The following AUTS2 variants were observed in gnomAD, a reference collection of about 807,000 sequenced individuals.
AUTS2 encodes the protein activator of transcription and developmental regulator AUTS2, also known as autism susceptibility gene 2 protein.
Under a neutral mutation model 112.4 loss-of-function variants are expected in AUTS2, and 17 were observed. The ratio of observed to expected loss-of-function variants is 0.15; its 90% confidence interval spans 0.10 to 0.23. The LOEUF (loss-of-function observed/expected upper bound fraction) is 0.23. AUTS2 is among the 10% of genes least tolerant of loss of function. The pLI is 1.00. For synonymous variants in AUTS2, 751 were observed against 702.7 expected (o/e 1.07, Z -1.09); for missense variants, 1,510 against 1,701.6 (o/e 0.89, Z 1.98).
At chr7:70,301,075 C>A (rs915900938) in intron 4 of AUTS2, among the ~76,000 whole-genome samples, 1 of 152,126 alleles carries the variant, frequency 6.6e-6, no homozygotes, top group Non-Finnish European at 1.5e-5. Context: ...ATATTTCTTT[C>A]TTAAAATAAA....
intron 1 of AUTS2, among the ~76,000 whole-genome samples, chr7:69,760,456 T>C (rs1788137855): frequency 6.6e-6 from 1 of 152,082 alleles, no homozygotes; most frequent in South Asian, 2.1e-4. Context: ...TACAGATCAC[T>C]TCTTTCTAGA....
intron 1 of AUTS2, among the ~76,000 whole-genome samples, chr7:69,608,009 ACTGCAG>A: frequency 6.6e-6 from 1 of 152,106 alleles, no homozygotes; most frequent in African/African-American, 2.4e-5. Context: ...CTCATGGCTC[ACTGCAG>A]CCCCAACCTT....
chr7:70,434,075 G>A (rs757761393), intron 4 of AUTS2, among the ~76,000 whole-genome samples: 3 of 152,118 alleles, frequency 2.0e-5, no homozygotes, highest in Non-Finnish European at 2.9e-5. Context: ...TGGCTGCTAC[G>A]TATCTGGACA....
chr7:70,487,372 T>C (rs956132500), intron 5 of AUTS2, among the ~76,000 whole-genome samples: 15 of 152,222 alleles, frequency 9.9e-5, no homozygotes, highest in Non-Finnish European at 1.9e-4. Flanking sequence ...ATTTTACCTT[T>C]CTTGTTGTTT....
At chr7:70,317,834 G>A (rs1272874008) in intron 4 of AUTS2, among the ~76,000 whole-genome samples, 1 of 152,174 alleles carries the variant, frequency 6.6e-6, no homozygotes, top group African/African-American at 2.4e-5. Context: ...AGTAGTGTCA[G>A]GCATGTAGGA....
intron 11 of AUTS2, among the ~76,000 whole-genome samples, chr7:70,772,532 C>T (rs1288032244): frequency 6.6e-6 from 1 of 152,150 alleles, no homozygotes; most frequent in Non-Finnish European, 1.5e-5. Flanking sequence ...TTTCGTTTTT[C>T]TTTTCCCCAC....
At chr7:70,787,517 T>G in intron 18 of AUTS2, 86 bp downstream of exon 18, 1 of 1,004,030 alleles carries the variant, frequency 1.0e-6, no homozygotes, top group African/African-American at 1.6e-5. Flanking sequence ...ACCCTCCCTG[T>G]CCCAGCCTCG....
At chr7:70,762,025 C>G (rs115132288) in intron 6 of AUTS2, among the ~76,000 whole-genome samples, 2 of 152,256 alleles carry the variant, frequency 1.3e-5, no homozygotes, top group African/African-American at 4.8e-5. Flanking sequence ...GGAAGTTGAG[C>G]ACTTGCTGAA....
At chr7:70,276,648 G>A (rs1314637281) in intron 4 of AUTS2, among the ~76,000 whole-genome samples, 2 of 151,996 alleles carry the variant, frequency 1.3e-5, no homozygotes, top group Admixed American at 6.6e-5. Flanking sequence ...CAAGGTGCTG[G>A]GATTACAGGT....
intron 4 of AUTS2, among the ~76,000 whole-genome samples, chr7:70,136,243 G>A (rs1157646707): frequency 2.6e-5 from 4 of 151,900 alleles, no homozygotes; most frequent in Non-Finnish European, 4.4e-5. Flanking sequence ...TCTTATTTTG[G>A]TAAAATTGCT....
At chr7:70,002,983 A>C (rs1191773664) in intron 2 of AUTS2, among the ~76,000 whole-genome samples, 3 of 151,478 alleles carry the variant, frequency 2.0e-5, no homozygotes, top group Non-Finnish European at 4.4e-5. Flanking sequence ...TTGAAAAATC[A>C]ACAATTTTAA....
intron 1 of AUTS2, among the ~76,000 whole-genome samples, chr7:69,886,435 A>G (rs536949837): frequency 4.6e-5 from 7 of 152,324 alleles, no homozygotes; most frequent in African/African-American, 1.4e-4. Flanking sequence ...TGCCTCACAT[A>G]TATACACACA....
At chr7:70,002,994 G>A (rs949163857) in intron 2 of AUTS2, among the ~76,000 whole-genome samples, 7 of 150,398 alleles carry the variant, frequency 4.7e-5, no homozygotes, top group Non-Finnish European at 8.9e-5. Context: ...ACAATTTTAA[G>A]AAAAAAATAG....
At chr7:70,364,760 T>C (rs1792489280) in intron 4 of AUTS2, among the ~76,000 whole-genome samples, 1 of 152,176 alleles carries the variant, frequency 6.6e-6, no homozygotes, top group African/African-American at 2.4e-5. Flanking sequence ...TGAAAACATT[T>C]AGTTAACTCT....
chr7:69,858,277 AC>A (rs1280206986), intron 1 of AUTS2, among the ~76,000 whole-genome samples: 1 of 152,200 alleles, frequency 6.6e-6, no homozygotes, highest in Non-Finnish European at 1.5e-5. Context: ...CAGGAGAATC[AC>A]CTGGATGTCA....
At chr7:70,278,118 C>T (rs2129610014) in intron 4 of AUTS2, among the ~76,000 whole-genome samples, 1 of 152,198 alleles carries the variant, frequency 6.6e-6, no homozygotes, top group African/African-American at 2.4e-5. Context: ...GTGCACATTA[C>T]AGACGTTTGT....
chr7:69,909,779 T>C (rs1158969434), intron 2 of AUTS2, among the ~76,000 whole-genome samples: 8 of 152,122 alleles, frequency 5.3e-5, no homozygotes, highest in Non-Finnish European at 5.9e-5. Flanking sequence ...TTGCCTGAGG[T>C]TTGTCAACAG....
chr7:69,700,780 A>C (rs182774578), intron 1 of AUTS2, among the ~76,000 whole-genome samples: 14 of 152,304 alleles, frequency 9.2e-5, no homozygotes, highest in Admixed American at 2.6e-4. Context: ...TCATAGACCA[A>C]GTTTCGAGCA....
At chr7:70,025,665 A>T (rs1474648620) in intron 2 of AUTS2, among the ~76,000 whole-genome samples, 2 of 151,584 alleles carry the variant, frequency 1.3e-5, no homozygotes, top group Non-Finnish European at 2.9e-5. Context: ...TTTGTTGGAC[A>T]GGCTGGTCTT....
Sources: allele counts gnomAD v4.1 joint callset (sites outside exome capture counted in the v4.1 genomes callset), GRCh38; gene constraint gnomAD v4.1.1; transcripts MANE v1.5; gene names NCBI Gene and HGNC (gene_info 2026-07-23, HGNC 2026-07-21).